Variants in ESYT2 observed in about 807,000 individuals in gnomAD.
ESYT2 encodes the protein extended synaptotagmin-2.
Under a neutral mutation model 107.2 loss-of-function variants are expected in ESYT2, and 54 were observed. That is an observed-to-expected ratio of 0.50 (90% CI 0.40 to 0.63). The LOEUF is 0.63. ESYT2 is among the 30% of genes least tolerant of loss of function. The pLI is 0.00. For missense variants in ESYT2, 1,020 were observed against 1,094.5 expected, an observed-to-expected ratio of 0.93 and a Z score of 0.96; for synonymous variants, 491 against 434.1, an observed-to-expected ratio of 1.13 and a Z score of -1.63.
chr7:158,805,891 CA>C (rs1353299968), intron 1 of ESYT2, among the ~76,000 whole-genome samples: 1 of 152,186 alleles, frequency 6.6e-6, no homozygotes, highest in African/African-American at 2.4e-5. Context: ...TGTTGTCTAC[CA>C]GAGCTATGGC....
chr7:158,790,764 C>A (rs1839262412), intron 4 of ESYT2, among the ~76,000 whole-genome samples: 1 of 152,084 alleles, frequency 6.6e-6, no homozygotes, highest in Admixed American at 6.5e-5. Context: ...CTTGTCTCTA[C>A]TAAAAGCATA....
rs1203595876 is a variant in ESYT2, at chr7:158,741,544, T to C, written c.2147A>G (p.Gln716Arg). The C allele has an allele frequency of 6.3e-7, 1 of 1,591,966 alleles. No individual in the cohort carries two copies. The highest frequency in any genetic ancestry group is 1.1e-5 in the South Asian group (1 of 89,888). ...TTACTTTTCCAGCTGCCTCAGCCTTTGCCGCAGCTCCTGGGTGGCGATGGG... is the reference window on the plus strand; with the variant it reads ...TTACTTTTCCAGCTGCCTCAGCCTTCGCCGCAGCTCCTGGGTGGCGATGGG... ...SLPIATQELR[Q>R]RLRQLENGTT... Residue 716 changes from glutamine (Q) to arginine (R), a missense_variant, in exon 18 of 23, where the codon CAA becomes CGA. Gln to Arg is a conservative substitution (Grantham distance 43, BLOSUM62 1). Transcript: ENST00000275418.
intron 2 of ESYT2, 147 bp downstream of exon 2, chr7:158,798,884 G>A (rs1839551644): frequency 4.5e-6 from 3 of 667,188 alleles, no homozygotes; most frequent in Non-Finnish European, 7.9e-6. Context: ...CATTTGTTGT[G>A]ACTGAGGTCT....
intron 1 of ESYT2, among the ~76,000 whole-genome samples, chr7:158,821,495 T>C (rs1380352158): frequency 6.6e-6 from 1 of 152,226 alleles, no homozygotes; most frequent in South Asian, 2.1e-4. Flanking sequence ...AGCTTAGATC[T>C]GAACACATCA....
intron 15 of ESYT2, among the ~76,000 whole-genome samples, chr7:158,748,900 G>A (rs1017528915): frequency 1.3e-5 from 2 of 150,570 alleles, no homozygotes; most frequent in Non-Finnish European, 3.0e-5. Context: ...TTTTTCTCCT[G>A]TAAGGAAAGT....
At chr7:158,795,650 C>T (rs1056430659) in intron 3 of ESYT2, among the ~76,000 whole-genome samples, 6 of 152,204 alleles carry the variant, frequency 3.9e-5, no homozygotes, top group Non-Finnish European at 7.3e-5. Context: ...CCCTGCTTTA[C>T]AGCATTTAAC....
Position 158,797,970 on chromosome 7 carries a change from C to A in ESYT2, c.479G>T (p.Ser160Ile). 1 of 1,613,964 alleles carries A rather than the reference C, an allele frequency of 6.2e-7. No homozygotes were observed. Among genetic ancestry groups the A allele is most frequent in the South Asian group, 1.1e-5 (1 of 91,064 alleles). ...CTGGCCCACGTCGACCTTCGTGAAA[C>A]TAAAGGTGCTAAGGTGGGTGTTTGC... ...RGANTHLSTF[S>I]FTKVDVGQQP... is the part of the protein sequence containing the mutation. Residue 160 changes from serine to isoleucine, a missense_variant, in exon 3 of 23, where the codon AGT becomes ATT. Coordinates refer to ENST00000275418, the MANE Select transcript of ESYT2 (RefSeq NM_001367773.1).
intron 7 of ESYT2, among the ~76,000 whole-genome samples, chr7:158,768,367 A>ATCACT (rs1838236798): frequency 6.6e-6 from 1 of 152,226 alleles, no homozygotes; most frequent in Non-Finnish European, 1.5e-5. Flanking sequence ...AATACTATAC[A>ATCACT]TCACTGCACA....
Position 158,764,922 on chromosome 7 carries a change from C to T in ESYT2, c.925-69G>A, listed in dbSNP as rs1215078826. Reference sequence around the variant, plus strand: ...GTTTAACTGGCATGGAAGATAGCTACGCACCTAACCCCGTCTCGAGAATTG... The same window carrying T: ...GTTTAACTGGCATGGAAGATAGCTATGCACCTAACCCCGTCTCGAGAATTG... On this transcript the variant is annotated intron_variant, in intron 8 of 22. Transcript: ENST00000275418. The T allele has an allele frequency of 3.9e-5, 58 of 1,473,640 alleles. 1 individual carries two copies. Among genetic ancestry groups the T allele is most frequent in the South Asian group, 3.2e-4 (26 of 81,220 alleles). The allele number at this position is 1,473,640 out of a possible 1,614,324, so 91.3% of individuals were successfully genotyped here.
intron 1 of ESYT2, among the ~76,000 whole-genome samples, chr7:158,806,151 A>AGGTGCCGGGGCACACCGCGCG (rs1839828223): frequency 7.4e-6 from 1 of 134,870 alleles, no homozygotes; most frequent in African/African-American, 3.1e-5. Flanking sequence ...CACACCGCGT[A>AGGTGCCGGGGCACACCGCGCG]GGAGGCGCTG....
In ESYT2 at chr7:158,735,620, A is replaced by G; in HGVS notation, c.2400-12T>C. 6.2e-7 allele frequency: 1 copy of G among 1,605,424 alleles called. No homozygotes were observed. Among genetic ancestry groups the G allele is most frequent in the Non-Finnish European group, 8.5e-7 (1 of 1,172,402 alleles). On this transcript the variant is annotated splice_polypyrimidine_tract_variant and intron_variant, in intron 20 of 22. Transcript: ENST00000275418. ...CACTGAAATCAAAGCTGAAATAGGA[A>G]ACGAGAGCCTTACTTTATCCATCAT...
intron 16 of ESYT2, among the ~76,000 whole-genome samples, chr7:158,747,459 T>C (rs879628426): frequency 6.6e-6 from 1 of 151,344 alleles, no homozygotes; most frequent in South Asian, 2.1e-4. Flanking sequence ...CATTTCACCA[T>C]AGAAGATACA....
At chr7:158,745,399 T>C (rs1219981702) in intron 16 of ESYT2, among the ~76,000 whole-genome samples, 1 of 151,828 alleles carries the variant, frequency 6.6e-6, no homozygotes, top group Non-Finnish European at 1.5e-5. Flanking sequence ...AAAACATAAA[T>C]TCAGAGATTT....
chr7:158,775,841 C>T (rs62480265), intron 6 of ESYT2, among the ~76,000 whole-genome samples: 16,512 of 152,156 alleles, frequency 0.11, 942 homozygotes, highest in African/African-American at 0.13. Flanking sequence ...CGGAGGTTTT[C>T]GACTTACTTT....
At chr7:158,792,764 GTTTTTTTTTT>G (rs35348712) in intron 4 of ESYT2, among the ~76,000 whole-genome samples, 2 of 117,800 alleles carry the variant, frequency 1.7e-5, no homozygotes, top group East Asian at 3.2e-4. Context: ...ATAACGTGGG[GTTTTTTTTTT>G]TTTTTTTTTT....
chr7:158,808,591 A>G (rs771925342), intron 1 of ESYT2, among the ~76,000 whole-genome samples: 2 of 152,222 alleles, frequency 1.3e-5, no homozygotes, highest in Non-Finnish European at 2.9e-5. Flanking sequence ...GAAACTGAAG[A>G]AGGAAAATAA....
At chr7:158,735,865 C>T (rs1011632055) in intron 20 of ESYT2, among the ~76,000 whole-genome samples, 3 of 152,258 alleles carry the variant, frequency 2.0e-5, no homozygotes, top group South Asian at 2.1e-4. Flanking sequence ...GGCTCACTCA[C>T]GGGTGGGTGA....
intron 12 of ESYT2, 43 bp downstream of exon 12, chr7:158,760,012 GAGT>G: frequency 6.5e-7 from 1 of 1,549,240 alleles, no homozygotes; most frequent in Non-Finnish European, 8.9e-7. Flanking sequence ...CAGTTATGAG[GAGT>G]AGTTGGTTAG....
chr7:158,818,987 C>A (rs1317186571), intron 1 of ESYT2, among the ~76,000 whole-genome samples: 1 of 152,248 alleles, frequency 6.6e-6, no homozygotes, highest in African/African-American at 2.4e-5. Flanking sequence ...ACCAATTCAA[C>A]AAATCATCAT....
Sources: gnomAD v4.1 joint callset for allele counts (sites outside exome capture counted in the v4.1 genomes callset) on GRCh38, gnomAD v4.1.1 for gene constraint, MANE v1.5 for transcripts, NCBI Gene and HGNC (gene_info 2026-07-23, HGNC 2026-07-21) for gene names.